PLCZ1: variants seen among roughly 807,000 people sequenced by gnomAD.
PLCZ1 encodes phospholipase C zeta 1.
Under a neutral mutation model 76.8 loss-of-function variants are expected in PLCZ1, and 64 were observed. The ratio of observed to expected loss-of-function variants is 0.83; its 90% CI spans 0.68 to 1.03. PLCZ1 has a LOEUF of 1.03. Ranked by LOEUF, PLCZ1 falls within the 50% of genes least tolerant of loss-of-function variation. The probability of loss-of-function intolerance (pLI) is 0.00; values close to 1 mark genes in which losing one functional copy is unlikely to be tolerated. For synonymous variants in PLCZ1, 248 were observed against 230.8 expected (o/e 1.07, Z -0.68); for missense variants, 751 against 713.7 (o/e 1.05, Z -0.60).
At chr12:18,719,410 A>G in intron 5 of PLCZ1, 21 bp downstream of exon 5, 1 of 1,349,080 alleles carries the variant, frequency 7.4e-7, no homozygotes, top group Non-Finnish European at 9.9e-7. Context: ...AATGTAATAG[A>G]TTTAAAAATA....
chr12:18,701,400 G>A lies in PLCZ1; in HGVS notation c.1017+101C>T, dbSNP rs2079718779. On this transcript the variant is annotated intron_variant, in intron 9 of 14. Coordinates refer to ENST00000266505, the MANE Select transcript of PLCZ1 (RefSeq NM_033123.4). ...AAATGATAGACTAGAGTTTTTATAA[G>A]AAGGAAAATGATTTTTCTCCAGAAT... The A allele has an allele frequency of 3.2e-6, 5 of 1,574,022 alleles. No homozygotes were observed. In the East Asian group the frequency reaches 9.1e-5, roughly 29 times the overall value.
chr12:18,694,378 C>G (rs1216652940), intron 12 of PLCZ1, among the ~76,000 whole-genome samples: 1 of 152,064 alleles, frequency 6.6e-6, no homozygotes, highest in South Asian at 2.1e-4. Context: ...TTAAAGTTGA[C>G]ACAAATTAAC....
chr12:18,736,227 A>G lies in PLCZ1; in HGVS notation c.129T>C (p.Ile43=). 1 of 1,612,414 alleles carries G rather than the reference A, an allele frequency of 6.2e-7. No individual in the cohort carries two copies. The highest frequency in any genetic ancestry group is 8.5e-7 in the Non-Finnish European group (1 of 1,178,952). The change falls in exon 3 of 15, where the codon ATT becomes ATC. Residue 43 remains isoleucine (I), a synonymous_variant. Coordinates refer to ENST00000266505, the MANE Select transcript of PLCZ1 (RefSeq NM_033123.4). ...IRCSYIHVKQ[I]FKDNDRLKQG... is the part of the protein sequence containing the mutation. ...GGGGTGGATGTCATCTTACCTTAAA[A>G]ATCTGTTTCACATGAATATAACTGC...
At chr12:18,710,697 A>G (rs184467643) in intron 6 of PLCZ1, among the ~76,000 whole-genome samples, 2 of 152,292 alleles carry the variant, frequency 1.3e-5, no homozygotes, top group Admixed American at 1.3e-4. Flanking sequence ...AAAAATGGGC[A>G]GAGATAGTTA....
chr12:18,655,654 C>T, the PLCZ1 span, among the ~76,000 whole-genome samples: 1 of 151,798 alleles, frequency 6.6e-6, no homozygotes, highest in African/African-American at 2.4e-5. Flanking sequence ...CAGTGGAAGT[C>T]GTGTTGGCAG....
chr12:18,705,368 A>ACAATTATTT, intron 6 of PLCZ1, 53 bp from the exon 7 acceptor site: 1 of 1,577,766 alleles, frequency 6.3e-7, no homozygotes, highest in Non-Finnish European at 8.7e-7. Flanking sequence ...AAATAATTGT[A>ACAATTATTT]AGGCAATTAA....
chr12:18,683,475 C>G, intron 14 of PLCZ1, 151 bp from the exon 15 acceptor site: 1 of 1,470,078 alleles, frequency 6.8e-7, no homozygotes, highest in African/African-American at 1.4e-5. Context: ...TAATCTTCCA[C>G]AAAAATTAAA....
intron 6 of PLCZ1, among the ~76,000 whole-genome samples, chr12:18,707,464 T>C (rs542821511): frequency 6.6e-6 from 1 of 152,298 alleles, no homozygotes; most frequent in South Asian, 2.1e-4. Context: ...CTCTTTCTTT[T>C]ATCTTCCCTG....
intron 7 of PLCZ1, 68 bp from the exon 8 acceptor site, chr12:18,701,844 A>G (rs911852147): frequency 1.3e-6 from 2 of 1,537,224 alleles, no homozygotes; most frequent in South Asian, 2.4e-5. Flanking sequence ...CAGTCACTGA[A>G]AAGTGTTTCA....
chr12:18,735,484 C>T lies in PLCZ1; in HGVS notation c.135+737G>A, dbSNP rs1432490802. On this transcript the variant is annotated intron_variant, in intron 3 of 14. Coordinates refer to ENST00000266505, the MANE Select transcript of PLCZ1 (RefSeq NM_033123.4). ...CAAACTCCTAGCCCCAAGTGATCCT[C>T]CCACCTTGGCCTCTCAAAGCATTGG... 2.0e-5 allele frequency among the ~76,000 whole-genome samples: 3 copies of T among 152,108 alleles called. No individual in the cohort carries two copies. The South Asian group carries it at 6.2e-4, about 32-fold the overall frequency.
chr12:18,648,958 A>G, the PLCZ1 span, among the ~76,000 whole-genome samples: 61 of 152,130 alleles, frequency 4.0e-4, no homozygotes, highest in Non-Finnish European at 8.2e-4. Flanking sequence ...AAAAAAATCT[A>G]AGCTTTTTCC....
intron 3 of PLCZ1, 34 bp downstream of exon 3, chr12:18,736,187 G>C: frequency 6.2e-7 from 1 of 1,606,432 alleles, no homozygotes; most frequent in African/African-American, 1.3e-5. Context: ...GTTCCACCTA[G>C]GATAGGATAG....
chr12:18,650,332 T>TAC, the PLCZ1 span, among the ~76,000 whole-genome samples: 1 of 107,874 alleles, frequency 9.3e-6, no homozygotes, highest in Non-Finnish European at 1.9e-5. Flanking sequence ...TCTCTCTCTC[T>TAC]ATATATATAT....
chr12:18,659,019 A>T, the PLCZ1 span, among the ~76,000 whole-genome samples: 2 of 152,152 alleles, frequency 1.3e-5, no homozygotes, highest in Non-Finnish European at 2.9e-5. Context: ...TTTTTGGAGC[A>T]TGAAGCTTTG....
chr12:18,690,340 C>T (rs1246375084), intron 12 of PLCZ1, among the ~76,000 whole-genome samples: 1 of 152,110 alleles, frequency 6.6e-6, no homozygotes, highest in Non-Finnish European at 1.5e-5. Context: ...TCTTCTGCCT[C>T]AGCCTCCCAA....
downstream of PLCZ1, among the ~76,000 whole-genome samples, chr12:18,680,349 T>A (rs1205687148): frequency 6.6e-6 from 1 of 151,972 alleles, no homozygotes. Flanking sequence ...AAGGGACATG[T>A]TTTACATCCC....
At chr12:18,683,145 TTTTC>T (rs1281043838), downstream of PLCZ1, 1 of 1,065,666 alleles carries the variant, frequency 9.4e-7, no homozygotes, top group Admixed American at 2.0e-5. Context: ...GAGTAATTAT[TTTTC>T]TTTATGTTTA....
the PLCZ1 span, among the ~76,000 whole-genome samples, chr12:18,659,087 G>A: frequency 2.6e-5 from 4 of 151,978 alleles, no homozygotes; most frequent in Admixed American, 2.0e-4. Flanking sequence ...GAAACAGTAG[G>A]GCAGAAGGGA....
chr12:18,716,097 A>T (rs59044597), intron 5 of PLCZ1, among the ~76,000 whole-genome samples: 7,095 of 152,222 alleles, frequency 0.047, 390 homozygotes, highest in African/African-American at 0.13. Flanking sequence ...AACAATGTTT[A>T]TTTGTAAAGT....
Sources: allele counts gnomAD v4.1 joint callset (sites outside exome capture counted in the v4.1 genomes callset), GRCh38; gene constraint gnomAD v4.1.1; transcripts MANE v1.5; gene names NCBI Gene and HGNC (gene_info 2026-07-23, HGNC 2026-07-21).